The following MEIS2 variants were observed in gnomAD, a reference collection of about 807,000 sequenced individuals.
The protein encoded by MEIS2 is homeobox protein Meis2.
In MEIS2, 9 loss-of-function variants were observed where a neutral mutation model predicts 58.6. The observed-to-expected ratio is 0.15, with a 90% CI of 0.09 to 0.27. MEIS2 has a LOEUF of 0.27. Ranked by LOEUF, MEIS2 falls within the 10% of genes least tolerant of loss-of-function variation. The probability of loss-of-function intolerance (pLI) is 1.00; values close to 1 mark genes in which losing one functional copy is unlikely to be tolerated. For synonymous variants in MEIS2, 221 were observed against 228.4 expected, an observed-to-expected ratio of 0.97 and a Z score of 0.29; for missense variants, 427 against 635.0, an observed-to-expected ratio of 0.67 and a Z score of 3.52.
At chr15:36,990,585 A>G (rs1299251318) in intron 8 of MEIS2, among the ~76,000 whole-genome samples, 1 of 152,180 alleles carries the variant, frequency 6.6e-6, no homozygotes, top group African/African-American at 2.4e-5. Context: ...TCAAAAAAGA[A>G]AGATGAAAGA....
intron 7 of MEIS2, among the ~76,000 whole-genome samples, chr15:37,078,660 C>T (rs547698416): frequency 4.3e-4 from 63 of 146,144 alleles, no homozygotes; most frequent in African/African-American, 1.5e-3. Flanking sequence ...CATTTTCTAC[C>T]TCTGTCCACA....
At chr15:37,020,501 C>A (rs12437615) in intron 8 of MEIS2, among the ~76,000 whole-genome samples, 92 of 152,190 alleles carry the variant, frequency 6.0e-4, no homozygotes, top group African/African-American at 2.2e-3. Context: ...GTCCTCCCCA[C>A]GCCTTCTTTG....
At chr15:36,955,622 T>G (rs1247168333) in intron 8 of MEIS2, among the ~76,000 whole-genome samples, 1 of 152,178 alleles carries the variant, frequency 6.6e-6, no homozygotes, top group Non-Finnish European at 1.5e-5. Context: ...TGCTTAATTT[T>G]GAATCTCTCT....
intron 7 of MEIS2, among the ~76,000 whole-genome samples, chr15:37,072,827 C>A (rs372888100): frequency 1.3e-5 from 2 of 152,052 alleles, no homozygotes; most frequent in Non-Finnish European, 2.9e-5. Flanking sequence ...ATCCCTCCCC[C>A]CTTCCCCCAC....
At chr15:37,025,094 T>C (rs1300768289) in intron 8 of MEIS2, among the ~76,000 whole-genome samples, 2 of 152,182 alleles carry the variant, frequency 1.3e-5, no homozygotes, top group Non-Finnish European at 2.9e-5. Context: ...ATTCCAGACT[T>C]AGGGCAAAAG....
chr15:36,999,268 C>T (rs188869901), intron 8 of MEIS2, among the ~76,000 whole-genome samples: 3 of 152,286 alleles, frequency 2.0e-5, no homozygotes, highest in African/African-American at 7.2e-5. Flanking sequence ...CAGTGTCAGA[C>T]ACTGGGCATA....
intron 9 of MEIS2, among the ~76,000 whole-genome samples, chr15:36,901,386 T>C (rs1311348962): frequency 2.0e-5 from 3 of 152,314 alleles, no homozygotes; most frequent in South Asian, 2.1e-4. Context: ...GTAAGATACA[T>C]TAAAATGGTT....
chr15:36,987,400 C>G (rs1324720445), intron 8 of MEIS2, among the ~76,000 whole-genome samples: 2 of 98,878 alleles, frequency 2.0e-5, no homozygotes, highest in African/African-American at 6.8e-5. Context: ...GGAGCAAGAC[C>G]CTGTCTCAAA....
chr15:36,908,998 T>G (rs1338707794), intron 9 of MEIS2, among the ~76,000 whole-genome samples: 1 of 152,140 alleles, frequency 6.6e-6, no homozygotes, highest in East Asian at 1.9e-4. Context: ...AATTTAGTAC[T>G]TGGTTTAACT....
intron 9 of MEIS2, among the ~76,000 whole-genome samples, chr15:36,911,682 C>T (rs757185231): frequency 3.9e-5 from 6 of 152,146 alleles, no homozygotes; most frequent in African/African-American, 7.2e-5. Context: ...GAGGTCAGCC[C>T]GGCGAAGGGC....
intron 9 of MEIS2, among the ~76,000 whole-genome samples, chr15:36,927,558 C>A (rs2057797447): frequency 6.6e-6 from 1 of 152,130 alleles, no homozygotes; most frequent in Non-Finnish European, 1.5e-5. Context: ...GTTTCAAGAG[C>A]CCTGTATGAG....
At chr15:36,941,245 G>A (rs1241484014) in intron 9 of MEIS2, among the ~76,000 whole-genome samples, 1 of 152,150 alleles carries the variant, frequency 6.6e-6, no homozygotes, top group Non-Finnish European at 1.5e-5. Flanking sequence ...CCAGCCTCAG[G>A]TCACCCAGGA....
intron 11 of MEIS2, chr15:36,894,608 A>C (rs2056070004): frequency 1.2e-6 from 1 of 809,034 alleles, no homozygotes; most frequent in African/African-American, 1.7e-5. Context: ...CTTAGTTTGG[A>C]AAGGCATGCA....
chr15:36,918,880 G>A (rs1236453374), intron 9 of MEIS2, among the ~76,000 whole-genome samples: 1 of 152,188 alleles, frequency 6.6e-6, no homozygotes, highest in Non-Finnish European at 1.5e-5. Flanking sequence ...TTCTGCTGGT[G>A]CAATTTCTCA....
intron 8 of MEIS2, among the ~76,000 whole-genome samples, chr15:37,031,928 T>A (rs958997548): frequency 1.3e-5 from 2 of 150,990 alleles, no homozygotes; most frequent in Non-Finnish European, 2.9e-5. Flanking sequence ...AGCCTCAAAC[T>A]CCTGGGCTCA....
chr15:36,922,663 C>T (rs1208985263), intron 9 of MEIS2, among the ~76,000 whole-genome samples: 1 of 149,914 alleles, frequency 6.7e-6, no homozygotes, highest in African/African-American at 2.5e-5. Context: ...CTTTCTTGCC[C>T]AAGCTGGAGT....
intron 7 of MEIS2, among the ~76,000 whole-genome samples, chr15:37,056,879 C>T (rs892863056): frequency 2.6e-5 from 4 of 152,232 alleles, no homozygotes; most frequent in African/African-American, 9.6e-5. Flanking sequence ...AGAGGCCGAG[C>T]TAGGTTAAGA....
At chr15:37,098,460 A>G (rs1376521373) in intron 1 of MEIS2, 5 of 1,106,866 alleles carry the variant, frequency 4.5e-6, no homozygotes, top group South Asian at 7.9e-5. Context: ...AAAGGAGAAA[A>G]GTACCGAGCA....
intron 8 of MEIS2, among the ~76,000 whole-genome samples, chr15:37,019,141 C>T (rs1271265168): frequency 6.6e-6 from 1 of 152,002 alleles, no homozygotes; most frequent in African/African-American, 2.4e-5. Flanking sequence ...TTTTTCAGTT[C>T]CACCCCACCC....
Sources: gnomAD v4.1 joint callset for allele counts (sites outside exome capture counted in the v4.1 genomes callset) on GRCh38, gnomAD v4.1.1 for gene constraint, MANE v1.5 for transcripts, NCBI Gene and HGNC (gene_info 2026-07-23, HGNC 2026-07-21) for gene names.